Variants in TRIM42 observed in about 807,000 individuals in gnomAD.
TRIM42 encodes tripartite motif-containing protein 42.
A neutral mutation model predicts 64.9 loss-of-function variants in TRIM42; 59 were observed. The ratio of observed to expected loss-of-function variants is 0.91; its 90% CI spans 0.74 to 1.13. The LOEUF is 1.13. TRIM42 is among the 50% of genes most tolerant of loss of function. The pLI, the probability that TRIM42 is intolerant of heterozygous loss-of-function variation, is 0.00. For synonymous variants in TRIM42, 354 were observed against 346.3 expected (o/e 1.02, Z -0.25); for missense variants, 878 against 929.5 (o/e 0.94, Z 0.72).
At position 140,678,429 on chromosome 3, in the gene TRIM42, G is replaced by C. The variant is rs1988263827; in HGVS notation, c.200G>C (p.Cys67Ser). ...GAGAGCCCCAACTGCCATTGGTGTTGCTGCTCTTGGGCCAATGATCCCAAC... is the reference window on the plus strand; with the variant it reads ...GAGAGCCCCAACTGCCATTGGTGTTCCTGCTCTTGGGCCAATGATCCCAAC... Reference protein sequence around the residue: ...CSESPNCHWCCCSWANDPNCK... With the variant: ...CSESPNCHWCSCSWANDPNCK... Residue 67 changes from cysteine to serine, a missense_variant, in exon 1 of 5, where the codon TGC becomes TCC. Coordinates refer to ENST00000286349, the MANE Select transcript of TRIM42 (RefSeq NM_152616.5). 1 of 1,614,178 alleles carries C rather than the reference G, an allele frequency of 6.2e-7. No individual in the cohort carries two copies. Among genetic ancestry groups the C allele is most frequent in the Non-Finnish European group, 8.5e-7 (1 of 1,180,040 alleles).
At chr3:140,693,298 G>C (rs1988768579) in intron 4 of TRIM42, among the ~76,000 whole-genome samples, 1 of 152,194 alleles carries the variant, frequency 6.6e-6, no homozygotes. Flanking sequence ...CTCCCTGTAA[G>C]AGAAGGAAAT....
rs1360912660 is a variant in TRIM42, at chr3:140,683,159, G to T, written c.1039G>T (p.Val347Phe). The change falls in exon 2 of 5, where the codon GTC (valine) becomes TTC (phenylalanine). Residue 347 changes from valine (V) to phenylalanine (F), a missense_variant and splice_region_variant. Physicochemically the swap from Val to Phe is conservative, Grantham distance 50 (BLOSUM62 -1). Transcript: ENST00000286349. ...CAGCGCCATCGCCAAGTTCAAAGCA[G>T]GTCCTCCCCTTTTCCACTCCTTCAG... ...LFSAIAKFKA[V>F]RYEIDNDLME... is the part of the protein sequence containing the mutation. 6.2e-7 allele frequency: 1 copy of T among 1,613,538 alleles called. No individual in the cohort carries two copies. The highest frequency in any genetic ancestry group is 1.7e-5 in the Admixed American group (1 of 60,024).
Position 140,687,757 on chromosome 3 carries a change from A to T in TRIM42, c.1075A>T (p.Asn359Tyr). The T allele has an allele frequency of 1.2e-6, 2 of 1,613,200 alleles. No homozygotes were observed. The highest frequency in any genetic ancestry group is 1.7e-6 in the Non-Finnish European group (2 of 1,179,796). Reference sequence around the variant, plus strand: ...AATTGATAATGACCTAATGGAATTCAACATCTTAAAAAACAGCTTTAAAGC... The same window carrying T: ...AATTGATAATGACCTAATGGAATTCTACATCTTAAAAAACAGCTTTAAAGC... Reference protein sequence around the residue: ...YEIDNDLMEFNILKNSFKADK... With the variant: ...YEIDNDLMEFYILKNSFKADK... Residue 359 changes from asparagine (N) to tyrosine (Y), a missense_variant, in exon 3 of 5, where the codon AAC (asparagine) becomes TAC (tyrosine). Transcript: ENST00000286349.
At chr3:140,698,793 C>A (rs1988921140) in intron 4 of TRIM42, among the ~76,000 whole-genome samples, 12 of 152,050 alleles carry the variant, frequency 7.9e-5, no homozygotes, top group Admixed American at 7.9e-4. Context: ...CTTGTTTTCC[C>A]AGGCATATGA....
chr3:140,678,582 G>A lies in TRIM42; in HGVS notation c.341+12G>A. 6.2e-7 allele frequency: 1 copy of A among 1,605,030 alleles called. No individual in the cohort carries two copies. The highest frequency in any genetic ancestry group is 8.5e-7 in the Non-Finnish European group (1 of 1,174,308). ...AGCATCCATACCTCGTAAGTGCCAG[G>A]CACCAGATGTGGGGCCGCATTGGGT... On this transcript the variant is annotated intron_variant, in intron 1 of 4. Transcript: ENST00000286349.
intron 1 of TRIM42, 68 bp from the exon 2 acceptor site, chr3:140,682,394 A>G: frequency 6.8e-7 from 1 of 1,474,168 alleles, no homozygotes; most frequent in African/African-American, 1.4e-5. Flanking sequence ...GAGTTCTTTC[A>G]GAGGTAGAGA....
At chr3:140,697,737 G>T (rs1988888572) in intron 4 of TRIM42, among the ~76,000 whole-genome samples, 1 of 152,198 alleles carries the variant, frequency 6.6e-6, no homozygotes, top group Non-Finnish European at 1.5e-5. Context: ...AGGCTGGAGT[G>T]CAGTGGCGCG....
In TRIM42 at chr3:140,687,791, AG is replaced by A; in HGVS notation, c.1111del (p.Ala371GlnfsTer28). 1 of 1,614,210 alleles carries A rather than the reference AG, an allele frequency of 6.2e-7. No individual in the cohort carries two copies. Among genetic ancestry groups the A allele is most frequent in the Non-Finnish European group, 8.5e-7 (1 of 1,180,028 alleles). ...ILKNSFKADK[E>X]AKRKEIRNGF... ...AAAAACAGCTTTAAAGCTGACAAGG[AG>A]GCAAAGCGAAAAGAGATCAGAAATG... On this transcript the variant is annotated frameshift_variant, in exon 3 of 5. Transcript: ENST00000286349. LOFTEE classifies it high-confidence loss of function.
In TRIM42 at chr3:140,680,030, A is replaced by G. The variant is rs894478489; in HGVS notation, c.341+1460A>G. Among the ~76,000 whole-genome samples the G allele has an allele frequency of 5.3e-5, 8 of 152,082 alleles. No homozygotes were observed. In the South Asian group the frequency reaches 1.0e-3, roughly 20 times the overall value. ...GAAGCCAGGAGATTTGATAGGTGGT[A>G]CAGTAAGAATCCAGGTGCAAGAACA... On this transcript the variant is annotated intron_variant, in intron 1 of 4. Coordinates refer to ENST00000286349, the MANE Select transcript of TRIM42 (RefSeq NM_152616.5).
intron 2 of TRIM42, among the ~76,000 whole-genome samples, chr3:140,684,990 G>T (rs1424438061): frequency 1.3e-5 from 2 of 152,184 alleles, no homozygotes; most frequent in African/African-American, 4.8e-5. Flanking sequence ...GGGGGAAAAT[G>T]CCTGTCCAAA....
At chr3:140,690,824 G>A (rs962697222) in intron 3 of TRIM42, 144 bp from the exon 4 acceptor site, 10 of 634,310 alleles carry the variant, frequency 1.6e-5, no homozygotes, top group Non-Finnish European at 2.8e-5. Context: ...CTTGTGCATG[G>A]TCTAATTAAA....
Position 140,688,232 on chromosome 3 carries a change from C to A in TRIM42, c.1550C>A (p.Ala517Asp), listed in dbSNP as rs1395897947. The change falls in exon 3 of 5, where the codon GCC becomes GAC. Residue 517 changes from alanine to aspartate, a missense_variant. Transcript: ENST00000286349. ...CCCGTGCACTCAGAAACAATGATTG[C>A]CAGGAAGGTCACTTTCAGCACCCAC... Reference protein sequence around the residue: ...PYPVHSETMIARKVTFSTHSL... With the variant: ...PYPVHSETMIDRKVTFSTHSL... 1 of 1,614,170 alleles carries A rather than the reference C, an allele frequency of 6.2e-7. No homozygotes were observed. The highest frequency in any genetic ancestry group is 1.6e-4 in the Middle Eastern group (1 of 6,062).
chr3:140,682,340 C>T (rs1458030405), intron 1 of TRIM42, 122 bp from the exon 2 acceptor site: 1 of 943,376 alleles, frequency 1.1e-6, no homozygotes, highest in African/African-American at 1.7e-5. Context: ...TAGCGCCCAG[C>T]TCAGGCTCCT....
At chr3:140,694,098 C>T (rs1988790185) in intron 4 of TRIM42, among the ~76,000 whole-genome samples, 1 of 152,220 alleles carries the variant, frequency 6.6e-6, no homozygotes, top group East Asian at 1.9e-4. Flanking sequence ...GCACCATGCT[C>T]AAATGGAACT....
chr3:140,696,487 A>G (rs1349679596), intron 4 of TRIM42, among the ~76,000 whole-genome samples: 1 of 152,180 alleles, frequency 6.6e-6, no homozygotes. Flanking sequence ...AGCCTTATAT[A>G]TGTCACCTTA....
Position 140,678,481 on chromosome 3 carries a change from C to G in TRIM42, c.252C>G (p.Ser84Arg). The G allele has an allele frequency of 6.2e-7, 1 of 1,614,164 alleles. No individual in the cohort carries two copies. Among genetic ancestry groups the G allele is most frequent in the Non-Finnish European group, 8.5e-7 (1 of 1,180,030 alleles). The change falls in exon 1 of 5, where the codon AGC becomes AGG. Residue 84 changes from serine (S) to arginine (R), a missense_variant. Ser to Arg is a moderately radical substitution (Grantham distance 110). Transcript: ENST00000286349. ...PNCKCCCTAS[S>R]NLNCYYYESR... Reference sequence around the variant, plus strand: ...GTAAGTGCTGCTGCACAGCCAGCAGCAATCTCAACTGCTACTACTATGAGA... The same window carrying G: ...GTAAGTGCTGCTGCACAGCCAGCAGGAATCTCAACTGCTACTACTATGAGA...
At position 140,687,816 on chromosome 3, in the gene TRIM42, T is replaced by C. The variant is rs1988585544; in HGVS notation, c.1134T>C (p.Asn378=). The stretch of plus-strand genomic sequence containing the variant: ...AGGCAAAGCGAAAAGAGATCAGAAA[T>C]GGCTTTCTCAAGTTGCGCAGCATTC... ...DKEAKRKEIR[N]GFLKLRSILQ... Residue 378 remains asparagine (N), a synonymous_variant, in exon 3 of 5, where the codon AAT becomes AAC. Transcript: ENST00000286349. 1 of 1,614,176 alleles carries C rather than the reference T, an allele frequency of 6.2e-7. No homozygotes were observed. Among genetic ancestry groups the C allele is most frequent in the Non-Finnish European group, 8.5e-7 (1 of 1,180,020 alleles).
At chr3:140,680,222 C>T (rs1988338872) in intron 1 of TRIM42, among the ~76,000 whole-genome samples, 1 of 152,092 alleles carries the variant, frequency 6.6e-6, no homozygotes, top group Admixed American at 6.5e-5. Flanking sequence ...GATGCTACCA[C>T]AAGTGTTAGG....
At chr3:140,689,332 T>A (rs1247752883) in intron 3 of TRIM42, among the ~76,000 whole-genome samples, 1 of 152,220 alleles carries the variant, frequency 6.6e-6, no homozygotes, top group Non-Finnish European at 1.5e-5. Context: ...CCTCTTGGAT[T>A]TTTCCTACAG....
Sources: allele counts gnomAD v4.1 joint callset (sites outside exome capture counted in the v4.1 genomes callset), GRCh38; gene constraint gnomAD v4.1.1; transcripts MANE v1.5; gene names NCBI Gene and HGNC (gene_info 2026-07-23, HGNC 2026-07-21).